The following MCPH1 variants were observed in gnomAD, a reference collection of about 807,000 sequenced individuals.
The protein encoded by MCPH1 is microcephalin 1.
In MCPH1, 104 loss-of-function variants were observed where a neutral mutation model predicts 84.5. That is an observed-to-expected ratio of 1.23 (90% CI 1.05 to 1.45). MCPH1 has a LOEUF of 1.45. MCPH1 is among the 40% of genes most tolerant of loss of function. The pLI is 0.00. For synonymous variants in MCPH1, 514 were observed against 366.8 expected, an observed-to-expected ratio of 1.40 and a Z score of -4.58; for missense variants, 1,498 against 1,005.7, an observed-to-expected ratio of 1.49 and a Z score of -6.62.
intron 12 of MCPH1, among the ~76,000 whole-genome samples, chr8:6,519,495 A>G (rs1376549271): frequency 6.6e-6 from 1 of 152,224 alleles, no homozygotes; most frequent in African/African-American, 2.4e-5. Context: ...TCTATGGCTG[A>G]TGCACTATGG....
rs985128823 is a variant in MCPH1 at position 6,644,690 on chromosome 8, G to C, written c.*1641G>C. 6.6e-6 allele frequency: 1 copy of C among 152,204 alleles called. No homozygotes were observed. The highest frequency in any genetic ancestry group is 1.9e-4 in the East Asian group (1 of 5,192). The allele number at this position is 152,204 out of a possible 1,614,324, so 9.4% of individuals were successfully genotyped here. On this transcript the variant is annotated 3_prime_UTR_variant, in exon 14 of 14. Transcript: ENST00000344683. The stretch of plus-strand genomic sequence containing the variant: ...GAGATGCTGAGTCCCAGCGAGGTCG[G>C]AGGTGCCACTGAGCCCTCATCGTGG...
intron 12 of MCPH1, among the ~76,000 whole-genome samples, chr8:6,607,476 A>T (rs112144470): frequency 1.3e-3 from 203 of 152,298 alleles, no homozygotes; most frequent in African/African-American, 4.6e-3. Flanking sequence ...GTTACTCTTT[A>T]GTTACAGGGA....
At chr8:6,494,496 A>G (rs1428017941) in intron 11 of MCPH1, 1 of 152,214 alleles carries the variant, frequency 6.6e-6, no homozygotes. Context: ...AAAGAATGGA[A>G]AGATCACCTA....
At chr8:6,529,671 C>G (rs930583393) in intron 12 of MCPH1, among the ~76,000 whole-genome samples, 29 of 139,524 alleles carry the variant, frequency 2.1e-4, no homozygotes, top group Non-Finnish European at 3.5e-4. Context: ...CACCATGTTG[C>G]TCAAGCTGGT....
intron 7 of MCPH1, among the ~76,000 whole-genome samples, chr8:6,442,801 T>C (rs1803714718): frequency 6.6e-6 from 1 of 152,228 alleles, no homozygotes; most frequent in Non-Finnish European, 1.5e-5. Flanking sequence ...TCAAAAGTGC[T>C]TGAGATGTTA....
intron 12 of MCPH1, among the ~76,000 whole-genome samples, chr8:6,567,369 C>T (rs1826285090): frequency 6.6e-6 from 1 of 152,044 alleles, no homozygotes; most frequent in African/African-American, 2.4e-5. Context: ...GTTTGATCGG[C>T]AAGGCCATGG....
intron 12 of MCPH1, among the ~76,000 whole-genome samples, chr8:6,549,196 C>A (rs1180060846): frequency 6.6e-6 from 1 of 152,116 alleles, no homozygotes; most frequent in Non-Finnish European, 1.5e-5. Flanking sequence ...GTGTTGACTT[C>A]CATAAAAGAA....
intron 13 of MCPH1, among the ~76,000 whole-genome samples, chr8:6,627,622 G>A (rs1002010644): frequency 1.3e-5 from 2 of 152,210 alleles, no homozygotes; most frequent in Admixed American, 1.3e-4. Context: ...CAGGTGCGGT[G>A]GCCCATGCCT....
intron 3 of MCPH1, among the ~76,000 whole-genome samples, chr8:6,415,903 T>C (rs982665575): frequency 2.1e-4 from 32 of 152,212 alleles, no homozygotes; most frequent in Non-Finnish European, 4.0e-4. Flanking sequence ...ATTAGGGAAG[T>C]GTTCATAATA....
chr8:6,488,253 G>A (rs755886033), intron 11 of MCPH1, among the ~76,000 whole-genome samples: 3 of 152,216 alleles, frequency 2.0e-5, no homozygotes, highest in Non-Finnish European at 2.9e-5. Flanking sequence ...CCCAAGGTGC[G>A]CATTTCCCAG....
At position 6,645,911 on chromosome 8, in the gene MCPH1, T is replaced by C. The variant is rs1798196163; in HGVS notation, c.*2862T>C. 1.3e-5 allele frequency: 2 copies of C among 152,208 alleles called. No individual in the cohort carries two copies. Among genetic ancestry groups the C allele is most frequent in the Admixed American group, 6.5e-5 (1 of 15,284 alleles). 9.4% of individuals were successfully genotyped at this position (152,208 alleles called of 1,614,324 possible). On this transcript the variant is annotated 3_prime_UTR_variant, in exon 14 of 14. Coordinates refer to ENST00000344683, the MANE Select transcript of MCPH1 (RefSeq NM_024596.5). ...AGAGACATATACAAAGTTCATAGAT[T>C]AGAAGATGCAATATTGTTAAGATGA... is the stretch of plus-strand genomic sequence containing the variant.
At chr8:6,515,564 A>C (rs2129568037) in intron 12 of MCPH1, among the ~76,000 whole-genome samples, 1 of 152,340 alleles carries the variant, frequency 6.6e-6, no homozygotes, top group Non-Finnish European at 1.5e-5. Context: ...TCTTAAGCTA[A>C]GCGCATGCAT....
chr8:6,618,549 T>C (rs1331486065), intron 12 of MCPH1: 1 of 152,204 alleles, frequency 6.6e-6, no homozygotes, highest in Non-Finnish European at 1.5e-5. Flanking sequence ...TGTGTGTGTG[T>C]GTTGTGTGTG....
At chr8:6,447,751 G>T (rs1230344642) in intron 8 of MCPH1, among the ~76,000 whole-genome samples, 1 of 152,074 alleles carries the variant, frequency 6.6e-6, no homozygotes, top group Admixed American at 6.5e-5. Flanking sequence ...GGGGTTTCAC[G>T]TCTTGGCCAG....
chr8:6,518,503 G>A (rs768559489), intron 12 of MCPH1, among the ~76,000 whole-genome samples: 1 of 152,090 alleles, frequency 6.6e-6, no homozygotes, highest in Non-Finnish European at 1.5e-5. Flanking sequence ...AGGTTTCTTT[G>A]GAAAGCATTA....
intron 12 of MCPH1, chr8:6,513,925 C>A (rs928093978): frequency 1.6e-6 from 2 of 1,279,240 alleles, no homozygotes; most frequent in Non-Finnish European, 2.2e-6. Flanking sequence ...GTCAACTTAA[C>A]ATAGAATAAC....
In MCPH1 at chr8:6,619,876, G is replaced by A. The variant is rs147488190; in HGVS notation, c.2215-1578G>A. 4.6e-5 allele frequency among the ~76,000 whole-genome samples: 7 copies of A among 152,328 alleles called. No individual in the cohort carries two copies. The East Asian group carries it at 1.4e-3, about 29-fold the overall frequency. On this transcript the variant is annotated intron_variant, in intron 12 of 13. Coordinates refer to ENST00000344683, the MANE Select transcript of MCPH1 (RefSeq NM_024596.5). ...TGGGATTACAGGTGTGAGCCACCGT[G>A]CCCGGCCAGATACTTTCATAATTAA...
At chr8:6,421,570 A>G (rs1183534480) in intron 3 of MCPH1, among the ~76,000 whole-genome samples, 9 of 151,982 alleles carry the variant, frequency 5.9e-5, no homozygotes, top group African/African-American at 1.9e-4. Flanking sequence ...AATGTTTACT[A>G]TTTCATGATA....
chr8:6,555,709 C>G (rs772370355), intron 12 of MCPH1, among the ~76,000 whole-genome samples: 25 of 152,152 alleles, frequency 1.6e-4, no homozygotes, highest in Non-Finnish European at 3.2e-4. Context: ...GCGACCCACC[C>G]GCTTCGGCCT....
Sources: gnomAD v4.1 joint callset for allele counts (sites outside exome capture counted in the v4.1 genomes callset) on GRCh38, gnomAD v4.1.1 for gene constraint, MANE v1.5 for transcripts, NCBI Gene and HGNC (gene_info 2026-07-23, HGNC 2026-07-21) for gene names.